The following TNS2 variants were observed in gnomAD, a reference collection of about 807,000 sequenced individuals.
The protein encoded by TNS2 is tensin 2.
In TNS2, 77 loss-of-function variants were observed where a neutral mutation model predicts 155.7. That is an observed-to-expected ratio of 0.49 (90% CI 0.41 to 0.60). TNS2 has a LOEUF of 0.60. Ranked by LOEUF, TNS2 falls within the 20% of genes least tolerant of loss-of-function variation. TNS2 has a pLI of 0.00. For synonymous variants in TNS2, 726 were observed against 763.9 expected (o/e 0.95, Z 0.82); for missense variants, 1,703 against 1,868.8 (o/e 0.91, Z 1.64).
chr12:53,050,743 T>C lies in TNS2; in HGVS notation c.75+483T>C, dbSNP rs778313062. Among the ~76,000 whole-genome samples, 13 of 152,094 alleles carry C rather than the reference T, an allele frequency of 8.5e-5. No individual in the cohort carries two copies. The highest frequency in any genetic ancestry group is 1.9e-4 in the Non-Finnish European group (13 of 68,020). ...ATATCTGCTGCTAATGCCAACATGC[T>C]CCCAAGTGTCTTAGTGGGTCCCACA... is the stretch of plus-strand genomic sequence containing the variant. On this transcript the variant is annotated intron_variant, in intron 1 of 28. Coordinates refer to ENST00000314250, the MANE Select transcript of TNS2 (RefSeq NM_170754.4). The surrounding 1 kb of genome is among the most constrained non-coding windows in gnomAD (Gnocchi z 4.7).
rs1300942143 is a variant in TNS2, at chr12:53,061,007, C to T, written c.3101C>T (p.Pro1034Leu). The part of the protein sequence containing the change: ...PDSPDGSPLT[P>L]VPSQMPWLVA... ...AGCCCAGATGGGTCTCCCCTCACTCCTGTGCCTTCCCAGATGCCCTGGCTT... is the reference window on the plus strand; with the variant it reads ...AGCCCAGATGGGTCTCCCCTCACTCTTGTGCCTTCCCAGATGCCCTGGCTT... The change falls in exon 20 of 29, where the codon CCT becomes CTT. Residue 1034 changes from proline (P) to leucine (L), a missense_variant. Pro to Leu is a moderately conservative substitution (Grantham distance 98). Coordinates refer to ENST00000314250, the MANE Select transcript of TNS2 (RefSeq NM_170754.4). 1.2e-6 allele frequency: 2 copies of T among 1,613,388 alleles called. No homozygotes were observed. The highest frequency in any genetic ancestry group is 1.3e-5 in the African/African-American group (1 of 74,924).
At position 53,050,274 on chromosome 12, in the gene TNS2, C is replaced by A; in HGVS notation, c.75+14C>A. The A allele has an allele frequency of 6.3e-7, 1 of 1,596,138 alleles. No individual in the cohort carries two copies. The highest frequency in any genetic ancestry group is 8.5e-7 in the Non-Finnish European group (1 of 1,171,562). On this transcript the variant is annotated intron_variant, in intron 1 of 28. Transcript: ENST00000314250. The surrounding 1 kb of genome is among the most constrained non-coding windows in gnomAD (Gnocchi z 4.7). ...GCCGCAAGCAGGGTAGGAGTGCCCA[C>A]CAGCTGGGCAAAAGAGGGGCAGGGG...
chr12:53,056,703 G>GC (rs1167659421), intron 10 of TNS2, among the ~76,000 whole-genome samples: 5 of 152,148 alleles, frequency 3.3e-5, no homozygotes, highest in Non-Finnish European at 5.9e-5. Context: ...AATTATGTCT[G>GC]CAACGGCCCT....
At position 53,061,886 on chromosome 12, in the gene TNS2, T is replaced by TA; in HGVS notation, c.3521dup (p.Tyr1174Ter). 6.2e-7 allele frequency: 1 copy of TA among 1,613,712 alleles called. No homozygotes were observed. The highest frequency in any genetic ancestry group is 8.5e-7 in the Non-Finnish European group (1 of 1,179,976). ...GGACAGTCATTCATTCCAAGGAGCT[T>TA]ATGGGCTGGCCCTCAAGGTGGCCAC... Reference protein sequence around the residue: ...IRDSHSFQGAYGLALKVATPP... With the variant: ...IRDSHSFQGA Residue 1174 changes from tyrosine to a stop codon, truncating the protein, a stop_gained and frameshift_variant, in exon 22 of 29, where the codon TAT (tyrosine) becomes TAAT (stop). Transcript: ENST00000314250. LOFTEE classifies it high-confidence loss of function.
Position 53,050,378 on chromosome 12 carries a change from C to G in TNS2, c.75+118C>G. On this transcript the variant is annotated intron_variant, in intron 1 of 28. Transcript: ENST00000314250. The surrounding 1 kb of genome is among the most constrained non-coding windows in gnomAD (Gnocchi z 4.7). ...CAATTTCAGCTTCCTCAGCCTTCTT[C>G]CCTGGCCCAGCATCCCCTCCGGAGT... The G allele has an allele frequency of 8.1e-7, 1 of 1,229,672 alleles. No individual in the cohort carries two copies. Among genetic ancestry groups the G allele is most frequent in the Non-Finnish European group, 1.1e-6 (1 of 894,654 alleles). The allele number at this position is 1,229,672 out of a possible 1,614,324, so 76.2% of individuals were successfully genotyped here. A position where few individuals can be genotyped will look rare whatever the true frequency, so the allele number is the denominator to read the frequency against.
chr12:53,049,198 GCC>G, upstream of TNS2: 1 of 1,602,796 alleles, frequency 6.2e-7, no homozygotes. Flanking sequence ...CAGTCCTCAG[GCC>G]CTGGGACAGC....
At position 53,054,453 on chromosome 12, in the gene TNS2, G is replaced by C. The variant is rs762419565; in HGVS notation, c.522+12G>C. On this transcript the variant is annotated intron_variant, in intron 7 of 28. Transcript: ENST00000314250. ...GGGACAAGTACCTGGTGAGGGGCGG[G>C]GCCATCAGGAGTCCGCCAATGAGAG... is the stretch of plus-strand genomic sequence containing the variant. 1.3e-6 allele frequency: 2 copies of C among 1,588,940 alleles called. No individual in the cohort carries two copies. Among genetic ancestry groups the C allele is most frequent in the East Asian group, 4.5e-5 (2 of 44,544 alleles).
Position 53,058,612 on chromosome 12 carries a change from C to T in TNS2, c.1266C>T (p.Phe422=), listed in dbSNP as rs1944251490. 1.2e-6 allele frequency: 2 copies of T among 1,613,950 alleles called. No homozygotes were observed. Among genetic ancestry groups the T allele is most frequent in the Non-Finnish European group, 1.7e-6 (2 of 1,179,858 alleles). The change falls in exon 16 of 29, where the codon TTC becomes TTT. Residue 422 remains phenylalanine (F), a synonymous_variant. Transcript: ENST00000314250. The part of the protein sequence containing the change: ...FPFQASVEFV[F]SSSPEKIKGS... ...TCCAAGCCTCCGTGGAGTTTGTCTT[C>T]TCCTCCAGCCCCGAGAAGATCAAAG...
In TNS2 at chr12:53,051,858, A is replaced by G. The variant is rs1008854721; in HGVS notation, c.79A>G (p.Arg27Gly). 6 of 1,611,862 alleles carry G rather than the reference A, an allele frequency of 3.7e-6. No homozygotes were observed. In the South Asian group the frequency reaches 6.6e-5, roughly 18 times the overall value. ...RDSSRAASRP[R>G]KAEPHSFREK... is the part of the protein sequence containing the mutation. Reference sequence around the variant, plus strand: ...CTGTTTGTCCCTCCACCTTCAGCCTAGGAAAGCTGAGCCTCATAGCTTCCG... The same window carrying G: ...CTGTTTGTCCCTCCACCTTCAGCCTGGGAAAGCTGAGCCTCATAGCTTCCG... Residue 27 changes from arginine (R) to glycine (G), a missense_variant, in exon 2 of 29, where the codon AGG becomes GGG. Arg to Gly is a moderately radical substitution (Grantham distance 125, BLOSUM62 -2). Transcript: ENST00000314250.
chr12:53,051,473 TCA>T (rs1400376590), intron 1 of TNS2, among the ~76,000 whole-genome samples: 1 of 151,798 alleles, frequency 6.6e-6, no homozygotes, highest in Non-Finnish European at 1.5e-5. Flanking sequence ...ACCTCCCTGC[TCA>T]CTCTGCACAC....
intron 2 of TNS2, 107 bp from the exon 3 acceptor site, chr12:53,052,348 T>TG: frequency 1.4e-6 from 2 of 1,435,356 alleles, no homozygotes; most frequent in Middle Eastern, 1.9e-4. Flanking sequence ...GGTGGGATCT[T>TG]GGAAGTCCCA....
chr12:53,054,271 A>G lies in TNS2; in HGVS notation c.352A>G (p.Ser118Gly). ...CATGCGTAGGCTCCTCCTCCCCAGG[A>G]GCTTCAGCCTGGACCCGCTCATGGA... ...HSKQRSTLPR[S>G]FSLDPLMERR... The change falls in exon 7 of 29, where the codon AGC (serine) becomes GGC (glycine). Residue 118 changes from serine to glycine, a missense_variant and splice_region_variant. Coordinates refer to ENST00000314250, the MANE Select transcript of TNS2 (RefSeq NM_170754.4). 6.2e-7 allele frequency: 1 copy of G among 1,612,560 alleles called. No individual in the cohort carries two copies. The highest frequency in any genetic ancestry group is 8.5e-7 in the Non-Finnish European group (1 of 1,179,790).
rs1944364370 is a variant in TNS2 at position 53,061,000 on chromosome 12, C to T, written c.3094C>T (p.Leu1032Phe). Reference sequence around the variant, plus strand: ...CCCCGACAGCCCAGATGGGTCTCCCCTCACTCCTGTGCCTTCCCAGATGCC... The same window carrying T: ...CCCCGACAGCCCAGATGGGTCTCCCTTCACTCCTGTGCCTTCCCAGATGCC... ...GPPDSPDGSPLTPVPSQMPWL... is the reference protein window; with the variant it reads ...GPPDSPDGSPFTPVPSQMPWL... Residue 1032 changes from leucine to phenylalanine, a missense_variant, in exon 20 of 29, where the codon CTC becomes TTC. By Grantham distance (22) the Leu-to-Phe change is conservative (BLOSUM62 0). Transcript: ENST00000314250. The surrounding 1 kb of genome is among the most constrained non-coding windows in gnomAD (Gnocchi z 6.1). 6.2e-7 allele frequency: 1 copy of T among 1,613,104 alleles called. No individual in the cohort carries two copies. Among genetic ancestry groups the T allele is most frequent in the African/African-American group, 1.3e-5 (1 of 74,910 alleles).
At chr12:53,049,031 C>G (rs568776253), upstream of TNS2, 2 of 728,558 alleles carry the variant, frequency 2.7e-6, no homozygotes, top group African/African-American at 3.6e-5. Context: ...AGGCCATTAA[C>G]CCCTTAGCTT....
At chr12:53,051,481 C>T (rs12311331) in intron 1 of TNS2, among the ~76,000 whole-genome samples, 99 of 151,158 alleles carry the variant, frequency 6.5e-4, no homozygotes, top group African/African-American at 2.0e-3. Context: ...GCTCACTCTG[C>T]ACACAGGTCT....
rs1944296025 is a variant in TNS2, at chr12:53,059,492, G to A, written c.1851G>A (p.Glu617=). The change falls in exon 18 of 29, where the codon GAG becomes GAA. Residue 617 remains glutamate (E), a synonymous_variant. Coordinates refer to ENST00000314250, the MANE Select transcript of TNS2 (RefSeq NM_170754.4). The surrounding 1 kb of genome is among the most constrained non-coding windows in gnomAD (Gnocchi z 4.7). ...GGYYRPEGTL[E]RRRLAYGGYE... ...ACTACCGGCCAGAGGGAACCCTGGA[G>A]AGGAGGCGACTGGCCTACGGGGGCT... 6.4e-7 allele frequency: 1 copy of A among 1,566,852 alleles called. No individual in the cohort carries two copies. The highest frequency in any genetic ancestry group is 8.6e-7 in the Non-Finnish European group (1 of 1,160,048).
upstream of TNS2, chr12:53,050,035 TC>T (rs1339175451): frequency 9.6e-6 from 14 of 1,461,088 alleles, no homozygotes; most frequent in East Asian, 3.1e-4. The surrounding 1 kb of genome is among the most constrained non-coding windows in gnomAD (Gnocchi z 4.7). Context: ...TCCCTCCACT[TC>T]CAGGGCCGGG....
intron 8 of TNS2, 152 bp downstream of exon 8, chr12:53,055,388 A>G (rs1489457611): frequency 4.3e-6 from 5 of 1,162,570 alleles, no homozygotes; most frequent in Non-Finnish European, 6.1e-6. Flanking sequence ...AGACACCCCA[A>G]AACGTGATGC....
At chr12:53,055,050 C>A in intron 7 of TNS2, 136 bp from the exon 8 acceptor site, 1 of 957,868 alleles carries the variant, frequency 1.0e-6, no homozygotes, top group Non-Finnish European at 1.6e-6. Context: ...TCCCAAAGTG[C>A]TGGGGTTATA....
Sources: gnomAD v4.1 joint callset for allele counts (sites outside exome capture counted in the v4.1 genomes callset) on GRCh38, gnomAD v4.1.1 for gene constraint, Gnocchi (gnomAD v3.1) non-coding constraint, MANE v1.5 for transcripts, NCBI Gene and HGNC (gene_info 2026-07-23, HGNC 2026-07-21) for gene names.